MAPT: variants seen among roughly 807,000 people sequenced by gnomAD.
The protein encoded by MAPT is microtubule-associated protein tau.
MAPT carries 34 observed loss-of-function variants against 67.9 expected under a neutral mutation model. The observed-to-expected ratio is 0.50, with a 90% confidence interval of 0.38 to 0.67. The LOEUF (loss-of-function observed/expected upper bound fraction) is 0.67. MAPT is among the 30% of genes least tolerant of loss of function. MAPT has a pLI of 0.00. For missense variants in MAPT, 881 were observed against 1,115.2 expected, an observed-to-expected ratio of 0.79 and a Z score of 2.99; for synonymous variants, 456 against 464.5, an observed-to-expected ratio of 0.98 and a Z score of 0.23.
intron 9 of MAPT, among the ~76,000 whole-genome samples, chr17:45,997,886 G>T (rs1451437054): frequency 6.6e-6 from 1 of 152,160 alleles, no homozygotes; most frequent in Non-Finnish European, 1.5e-5. Context: ...AAGGTACGGG[G>T]GTGTTGGGGA....
intron 12 of MAPT, among the ~76,000 whole-genome samples, chr17:46,021,226 CGA>C (rs2076506751): frequency 6.6e-6 from 1 of 152,222 alleles, no homozygotes; most frequent in Admixed American, 6.5e-5. Flanking sequence ...CGTAGCTGGC[CGA>C]GAGCTCTCGG....
intron 1 of MAPT, among the ~76,000 whole-genome samples, chr17:45,941,680 C>CTCCCTCCT (rs2067930651): frequency 2.1e-5 from 1 of 47,224 alleles, no homozygotes; most frequent in African/African-American, 8.9e-5. Context: ...CCCCCCTTCC[C>CTCCCTCCT]TCCTTCCTTC....
rs972286048 is a variant in MAPT at position 45,983,063 on chromosome 17, C to T, written c.484C>T (p.Pro162Ser). 2.0e-6 allele frequency: 3 copies of T among 1,530,688 alleles called. No homozygotes were observed. The highest frequency in any genetic ancestry group is 2.8e-5 in the African/African-American group (2 of 72,542). The allele number at this position is 1,530,688 out of a possible 1,614,324, so 94.8% of individuals were successfully genotyped here. Reference sequence around the variant, plus strand: ...GCACCGTCCCGTTTGCCCAGCGCCTCCTCCAACAGGAGGCCCTCAGGAGCC... The same window carrying T: ...GCACCGTCCCGTTTGCCCAGCGCCTTCTCCAACAGGAGGCCCTCAGGAGCC... Reference protein sequence around the residue: ...PQHRPVCPAPPPTGGPQEPSL... With the variant: ...PQHRPVCPAPSPTGGPQEPSL... Residue 162 changes from proline to serine, a missense_variant, in exon 5 of 13, where the codon CCT becomes TCT. Physicochemically the swap from Pro to Ser is moderately conservative, Grantham distance 74. This residue lies in a region of MAPT where 687 missense variants were observed against 766.1 expected (regional missense o/e 0.90). Transcript: ENST00000262410.
rs757493438 is a variant in MAPT at position 45,983,892 on chromosome 17, C to T, written c.1313C>T (p.Pro438Leu). The T allele has an allele frequency of 2.5e-6, 4 of 1,587,406 alleles. No individual in the cohort carries two copies. The highest frequency in any genetic ancestry group is 1.4e-5 in the African/African-American group (1 of 73,288). Residue 438 changes from proline to leucine, a missense_variant, in exon 5 of 13, where the codon CCG (proline) becomes CTG (leucine). Pro to Leu is a moderately conservative substitution (Grantham distance 98). Coordinates refer to ENST00000262410, the MANE Select transcript of MAPT (RefSeq NM_001377265.1). ...TCTGAAAAGCAGCCTGCTGCTGCTCCGCGGGGGAAGCCCGTCAGCCGGGTC... is the reference window on the plus strand; with the variant it reads ...TCTGAAAAGCAGCCTGCTGCTGCTCTGCGGGGGAAGCCCGTCAGCCGGGTC... ...EPSEKQPAAA[P>L]RGKPVSRVPQ...
At chr17:45,978,327 A>G (rs2072592846) in intron 3 of MAPT, 48 bp from the exon 4 acceptor site, 2 of 1,465,172 alleles carry the variant, frequency 1.4e-6, no homozygotes. Context: ...CTAGTAAACA[A>G]TAACTGTCTT....
chr17:45,940,441 T>C lies in MAPT; in HGVS notation c.-17-21880T>C, dbSNP rs542500382. Among the ~76,000 whole-genome samples the C allele has an allele frequency of 6.6e-5, 10 of 152,260 alleles. No individual in the cohort carries two copies. The East Asian group carries it at 1.9e-3, about 29-fold the overall frequency. Reference sequence around the variant, plus strand: ...TGGACAGAATCTACCCCATAGGGCGTAGTGAGGATGTGTTGAATTATCCCA... The same window carrying C: ...TGGACAGAATCTACCCCATAGGGCGCAGTGAGGATGTGTTGAATTATCCCA... On this transcript the variant is annotated intron_variant, in intron 1 of 12. Transcript: ENST00000262410.
intron 11 of MAPT, 137 bp downstream of exon 11, chr17:46,014,461 A>C: frequency 1.4e-6 from 1 of 732,190 alleles, no homozygotes; most frequent in Non-Finnish European, 2.5e-6. Flanking sequence ...GAAAGTGTTG[A>C]GTGTGAAACT....
intron 2 of MAPT, among the ~76,000 whole-genome samples, chr17:45,964,402 G>A (rs1301113257): frequency 2.3e-5 from 3 of 132,090 alleles, no homozygotes; most frequent in African/African-American, 8.9e-5. Context: ...CTTAGAGGCC[G>A]GGCGCGGTGG....
intron 9 of MAPT, among the ~76,000 whole-genome samples, chr17:45,998,256 TC>T (rs2074672331): frequency 6.6e-6 from 1 of 150,734 alleles, no homozygotes; most frequent in East Asian, 2.0e-4. Context: ...CCACCCAGGA[TC>T]CCCCCTGCCC....
At chr17:46,004,984 C>T (rs1159142720) in intron 9 of MAPT, among the ~76,000 whole-genome samples, 1 of 152,206 alleles carries the variant, frequency 6.6e-6, no homozygotes, top group East Asian at 1.9e-4. Context: ...CGGGGTTTCA[C>T]CGTGTTAGCC....
At chr17:45,905,569 A>T (rs2064248892) in intron 1 of MAPT, among the ~76,000 whole-genome samples, 1 of 152,228 alleles carries the variant, frequency 6.6e-6, no homozygotes, top group Non-Finnish European at 1.5e-5. Context: ...AAAGACTTTT[A>T]AAAAGATCTT....
chr17:45,983,744 G>A lies in MAPT; in HGVS notation c.1165G>A (p.Glu389Lys). The A allele has an allele frequency of 6.2e-7, 1 of 1,614,166 alleles. No homozygotes were observed. Among genetic ancestry groups the A allele is most frequent in the Non-Finnish European group, 8.5e-7 (1 of 1,180,042 alleles). Reference protein sequence around the residue: ...HVEITPNVQKEQAHSEEHLGR... With the variant: ...HVEITPNVQKKQAHSEEHLGR... ...GGAAATCACACCCAACGTGCAGAAG[G>A]AGCAGGCGCACTCGGAGGAGCATTT... is the stretch of plus-strand genomic sequence containing the variant. Residue 389 changes from glutamate (E) to lysine (K), a missense_variant, in exon 5 of 13, where the codon GAG (glutamate) becomes AAG (lysine). Transcript: ENST00000262410.
chr17:45,928,544 A>T (rs1177068846), intron 1 of MAPT, among the ~76,000 whole-genome samples: 1 of 151,928 alleles, frequency 6.6e-6, no homozygotes, highest in African/African-American at 2.4e-5. Context: ...GGTCACCTGC[A>T]CTCTGGCTGC....
At chr17:45,970,789 C>T (rs773641356) in intron 2 of MAPT, among the ~76,000 whole-genome samples, 2 of 152,250 alleles carry the variant, frequency 1.3e-5, no homozygotes, top group Non-Finnish European at 2.9e-5. Context: ...CCTGTAACTC[C>T]TGCTTCCTGG....
chr17:45,990,465 T>C (rs111652694), intron 7 of MAPT: 68,054 of 433,034 alleles, frequency 0.16, 6,871 homozygotes, highest in Non-Finnish European at 0.21. Context: ...AATACAAAAA[T>C]TAGCCGGGCG....
In MAPT at chr17:45,983,592, G is replaced by T. The variant is rs1351901598; in HGVS notation, c.1013G>T (p.Gly338Val). 1 of 1,613,340 alleles carries T rather than the reference G, an allele frequency of 6.2e-7. No individual in the cohort carries two copies. The highest frequency in any genetic ancestry group is 8.5e-7 in the Non-Finnish European group (1 of 1,180,008). The change falls in exon 5 of 13, where the codon GGT becomes GTT. Residue 338 changes from glycine to valine, a missense_variant. By Grantham distance (109) the Gly-to-Val change is moderately radical. Transcript: ENST00000262410. ...AGCATCCCAGGCTTCCCAGCGGAGG[G>T]TGCCATCCCCCTCCCTGTGGATTTC... ...ATSIPGFPAE[G>V]AIPLPVDFLS...
chr17:45,962,571 T>G (rs2070565334), intron 2 of MAPT, 101 bp downstream of exon 2: 1 of 1,440,580 alleles, frequency 6.9e-7, no homozygotes, highest in African/African-American at 1.4e-5. Context: ...AAATACATTA[T>G]TGTCTTAGAC....
rs2073113171 is a variant in MAPT at position 45,982,871 on chromosome 17, T to C, written c.292T>C (p.Leu98=). ...TCGCTGCCTCTTCAAACCAGAGGAG[T>C]TGAGAGTTCCGGGCCGGCAGAGGAA... The part of the protein sequence containing the change: ...EAAGHVTQEE[L]RVPGRQRKAP... Residue 98 remains leucine, a synonymous_variant, in exon 5 of 13, where the codon TTG becomes CTG. Transcript: ENST00000262410. 6.2e-6 allele frequency: 8 copies of C among 1,293,876 alleles called. No individual in the cohort carries two copies. In the South Asian group the frequency reaches 1.3e-4, roughly 21 times the overall value. 80.1% of individuals were successfully genotyped at this position (1,293,876 alleles called of 1,614,324 possible).
chr17:45,911,353 C>G (rs2064775350), intron 1 of MAPT, among the ~76,000 whole-genome samples: 1 of 152,254 alleles, frequency 6.6e-6, no homozygotes, highest in Non-Finnish European at 1.5e-5. Flanking sequence ...TAAGGCCACA[C>G]TGGTGAGTGG....
Sources: allele counts gnomAD v4.1 joint callset (sites outside exome capture counted in the v4.1 genomes callset), GRCh38; gene constraint gnomAD v4.1.1; regional missense constraint gnomAD v4.1.1; transcripts MANE v1.5; gene names NCBI Gene and HGNC (gene_info 2026-07-23, HGNC 2026-07-21).